Variants in CEMIP observed in about 807,000 individuals in gnomAD.
CEMIP encodes cell migration inducing hyaluronidase 1.
Under a neutral mutation model 156.9 loss-of-function variants are expected in CEMIP, and 105 were observed. The ratio of observed to expected loss-of-function variants is 0.67; its 90% confidence interval spans 0.57 to 0.79. CEMIP has a LOEUF of 0.79. Among genes scored for constraint, CEMIP ranks in the 30% least tolerant of loss-of-function variants. CEMIP has a pLI of 0.00. For synonymous variants in CEMIP, 676 were observed against 668.4 expected, an observed-to-expected ratio of 1.01 and a Z score of -0.17; for missense variants, 1,457 against 1,769.4, an observed-to-expected ratio of 0.82 and a Z score of 3.17.
intron 1 of CEMIP, among the ~76,000 whole-genome samples, chr15:80,788,765 C>T (rs980388072): frequency 2.6e-5 from 4 of 152,068 alleles, no homozygotes; most frequent in African/African-American, 4.8e-5. Context: ...TTTGCACTAA[C>T]GTTGCTGAGC....
intron 1 of CEMIP, among the ~76,000 whole-genome samples, chr15:80,870,333 A>G (rs1296505732): frequency 1.3e-5 from 2 of 151,972 alleles, no homozygotes; most frequent in Non-Finnish European, 2.9e-5. Context: ...TTACAGCTTA[A>G]ACTGACCCTT....
intron 12 of CEMIP, among the ~76,000 whole-genome samples, chr15:80,896,541 A>G (rs758235870): frequency 1.2e-4 from 19 of 152,218 alleles, no homozygotes; most frequent in Admixed American, 2.6e-4. Flanking sequence ...CAGTTATTCA[A>G]TCTACTACAA....
At chr15:80,859,682 G>A (rs984786973) in intron 1 of CEMIP, among the ~76,000 whole-genome samples, 9 of 152,240 alleles carry the variant, frequency 5.9e-5, no homozygotes, top group African/African-American at 2.2e-4. Context: ...GAATCGAATG[G>A]ATTATAGAGC....
In CEMIP at chr15:80,889,919, T is replaced by C. The variant is rs543105479; in HGVS notation, c.1086+327T>C. Among the ~76,000 whole-genome samples, 3 of 152,332 alleles carry C rather than the reference T, an allele frequency of 2.0e-5. No homozygotes were observed. The South Asian group carries it at 6.2e-4, about 32-fold the overall frequency. On this transcript the variant is annotated intron_variant, in intron 10 of 29. Coordinates refer to ENST00000394685, the MANE Select transcript of CEMIP (RefSeq NM_001293298.2). ...TTCCCCGTCAATTTCCTTAGGGACC[T>C]TGAGTGCACAGGATGCAGCTAGGAT... is the stretch of plus-strand genomic sequence containing the variant.
At chr15:80,824,895 G>T (rs1300321012) in intron 1 of CEMIP, among the ~76,000 whole-genome samples, 1 of 152,172 alleles carries the variant, frequency 6.6e-6, no homozygotes, top group African/African-American at 2.4e-5. Flanking sequence ...CTCAGAAAGT[G>T]ATCTCGCAGG....
intron 13 of CEMIP, 101 bp from the exon 14 acceptor site, chr15:80,908,996 G>A (rs1899925366): frequency 8.9e-7 from 1 of 1,125,600 alleles, no homozygotes; most frequent in Admixed American, 1.9e-5. Context: ...AGTGGAGACT[G>A]ACAAAGAACA....
chr15:80,879,637 G>C, intron 4 of CEMIP, 79 bp from the exon 5 acceptor site: 1 of 1,562,206 alleles, frequency 6.4e-7, no homozygotes, highest in Non-Finnish European at 8.8e-7. Context: ...GGAGTGCTTA[G>C]GGAGTCTGCC....
intron 1 of CEMIP, among the ~76,000 whole-genome samples, chr15:80,857,236 C>G (rs945117538): frequency 5.3e-5 from 8 of 152,158 alleles, no homozygotes; most frequent in Non-Finnish European, 1.5e-5. Context: ...GAAGGCTGCA[C>G]TCTCTGAACT....
At chr15:80,830,315 A>G (rs981113699) in intron 1 of CEMIP, among the ~76,000 whole-genome samples, 2 of 152,198 alleles carry the variant, frequency 1.3e-5, no homozygotes, top group African/African-American at 4.8e-5. Context: ...ATTAGCATAA[A>G]GCAGCAGCCC....
chr15:80,937,305 G>C (rs868835209), intron 24 of CEMIP, among the ~76,000 whole-genome samples: 1 of 152,190 alleles, frequency 6.6e-6, no homozygotes, highest in Admixed American at 6.5e-5. Context: ...TTGAGGCCGA[G>C]GGCATCTGGA....
Position 80,831,536 on chromosome 15 carries a change from G to A in CEMIP, c.-175-42002G>A, listed in dbSNP as rs186805022. ...CTCTGGGAGGTGGCACCTGTGACCT[G>A]GGCTAATCATGCTACTTTCAGAGTC... On this transcript the variant is annotated intron_variant, in intron 1 of 29. Transcript: ENST00000394685. Among the ~76,000 whole-genome samples the A allele has an allele frequency of 9.7e-4, 148 of 152,258 alleles. No homozygotes were observed. The Middle Eastern group carries it at 0.014, about 14-fold the overall frequency.
intron 12 of CEMIP, among the ~76,000 whole-genome samples, chr15:80,900,679 T>TGTGTCTGTG (rs1361669782): frequency 4.4e-5 from 6 of 136,004 alleles, no homozygotes; most frequent in Admixed American, 7.5e-5. Context: ...TGTGTGTGTA[T>TGTGTCTGTG]TTTGTGTGTG....
chr15:80,937,964 G>C lies in CEMIP; in HGVS notation c.3392G>C (p.Trp1131Ser), dbSNP rs770269679. The C allele has an allele frequency of 1.9e-6, 3 of 1,613,956 alleles. No homozygotes were observed. The highest frequency in any genetic ancestry group is 2.5e-6 in the Non-Finnish European group (3 of 1,179,936). Reference protein sequence around the residue: ...QSYPGRSHYYWDEDSGLLFLK... With the variant: ...QSYPGRSHYYSDEDSGLLFLK... ...TACCCTGGCAGGAGCCACTACTACTGGGACGAGGACTCAGGGTGAGCAGGC... is the reference window on the plus strand; with the variant it reads ...TACCCTGGCAGGAGCCACTACTACTCGGACGAGGACTCAGGGTGAGCAGGC... The change falls in exon 25 of 30, where the codon TGG (tryptophan) becomes TCG (serine). Residue 1131 changes from tryptophan to serine, a missense_variant. Transcript: ENST00000394685.
At chr15:80,859,564 G>A (rs576097286) in intron 1 of CEMIP, among the ~76,000 whole-genome samples, 1 of 152,342 alleles carries the variant, frequency 6.6e-6, no homozygotes, top group Admixed American at 6.5e-5. Context: ...TTTCAAGGAT[G>A]CCTCTAGTTC....
intron 1 of CEMIP, among the ~76,000 whole-genome samples, chr15:80,783,824 T>C (rs2141557765): frequency 6.6e-6 from 1 of 152,370 alleles, no homozygotes; most frequent in African/African-American, 2.4e-5. Flanking sequence ...GAACGGAGGC[T>C]GCTTGCAGAG....
chr15:80,898,385 C>T (rs1899319799), intron 12 of CEMIP, among the ~76,000 whole-genome samples: 1 of 152,140 alleles, frequency 6.6e-6, no homozygotes, highest in Non-Finnish European at 1.5e-5. Context: ...TATTGCCTAG[C>T]ACACAGTAAG....
chr15:80,808,214 C>A (rs1348764360), intron 1 of CEMIP, among the ~76,000 whole-genome samples: 1 of 152,164 alleles, frequency 6.6e-6, no homozygotes, highest in Non-Finnish European at 1.5e-5. Flanking sequence ...CAGTATCCGG[C>A]ATGTTAGGAA....
intron 1 of CEMIP, among the ~76,000 whole-genome samples, chr15:80,812,970 C>T (rs1268883533): frequency 6.6e-6 from 1 of 152,200 alleles, no homozygotes; most frequent in African/African-American, 2.4e-5. Context: ...ACACCAGCAT[C>T]GTGCTGAAAT....
chr15:80,844,940 T>C (rs1897518121), intron 1 of CEMIP, among the ~76,000 whole-genome samples: 1 of 152,326 alleles, frequency 6.6e-6, no homozygotes, highest in African/African-American at 2.4e-5. Context: ...TTCTCATTTA[T>C]TCTTTAAGTG....
Sources: allele counts gnomAD v4.1 joint callset (sites outside exome capture counted in the v4.1 genomes callset), GRCh38; gene constraint gnomAD v4.1.1; transcripts MANE v1.5; gene names NCBI Gene and HGNC (gene_info 2026-07-23, HGNC 2026-07-21).